Variants in CDH13 observed in about 807,000 individuals in gnomAD.
CDH13 encodes cadherin 13, also known as cadherin-13.
In CDH13, 24 loss-of-function variants were observed where a neutral mutation model predicts 63.8. The ratio of observed to expected loss-of-function variants is 0.38; its 90% CI spans 0.27 to 0.53. The LOEUF is 0.53. Ranked by LOEUF, CDH13 falls within the 20% of genes least tolerant of loss-of-function variation. The pLI, the probability that CDH13 is intolerant of heterozygous loss-of-function variation, is 0.85. For synonymous variants in CDH13, 503 were observed against 355.3 expected (o/e 1.42, Z -4.67); for missense variants, 1,049 against 903.1 (o/e 1.16, Z -2.07).
At chr16:82,798,320 G>T (rs1225688473) in intron 1 of CDH13, among the ~76,000 whole-genome samples, 1 of 152,140 alleles carries the variant, frequency 6.6e-6, no homozygotes, top group Non-Finnish European at 1.5e-5. Flanking sequence ...TAGAACTCAG[G>T]TCTGTCTGAT....
chr16:83,158,140 T>A (rs1043196493), intron 4 of CDH13, among the ~76,000 whole-genome samples: 8 of 151,496 alleles, frequency 5.3e-5, no homozygotes, highest in African/African-American at 1.9e-4. Flanking sequence ...TCAGGAAGAG[T>A]CCCTTCCTGA....
chr16:83,294,778 A>G (rs2089549989), intron 5 of CDH13, among the ~76,000 whole-genome samples: 1 of 152,156 alleles, frequency 6.6e-6, no homozygotes, highest in Non-Finnish European at 1.5e-5. Flanking sequence ...GATTGCCGGA[A>G]TAATATTGTT....
At chr16:83,611,975 A>G (rs1176773265) in intron 8 of CDH13, among the ~76,000 whole-genome samples, 1 of 152,116 alleles carries the variant, frequency 6.6e-6, no homozygotes. Flanking sequence ...ATGCTTTAAA[A>G]TAATGTTAAT....
chr16:83,599,532 C>A (rs925069043), intron 7 of CDH13, among the ~76,000 whole-genome samples: 1 of 152,000 alleles, frequency 6.6e-6, no homozygotes, highest in African/African-American at 2.4e-5. Flanking sequence ...TAAAAAGCAG[C>A]CAAAATGTAT....
intron 2 of CDH13, among the ~76,000 whole-genome samples, chr16:82,888,193 C>G (rs530610594): frequency 2.6e-5 from 4 of 152,206 alleles, no homozygotes; most frequent in East Asian, 3.9e-4. Context: ...GATTTGTATC[C>G]TCTATGACCT....
intron 9 of CDH13, among the ~76,000 whole-genome samples, chr16:83,675,186 G>C (rs921750223): frequency 1.4e-4 from 21 of 152,304 alleles, no homozygotes; most frequent in East Asian, 5.8e-4. Flanking sequence ...TAGTAAGATT[G>C]TGTGCTTTGT....
rs117713220 is a variant in CDH13, at chr16:83,756,368, C to G, written c.1681+8118C>G. On this transcript the variant is annotated intron_variant, in intron 11 of 13. Coordinates refer to ENST00000567109, the MANE Select transcript of CDH13 (RefSeq NM_001257.5). ...AATAGACACACTTTAAATAAAAGAA[C>G]AAAGAATGGAAATAAAAGAAAAATA... Among the ~76,000 whole-genome samples, 1,232 of 152,158 alleles carry G rather than the reference C, an allele frequency of 8.1e-3. 47 individuals are homozygous for G. The highest frequency in any genetic ancestry group is 0.057 in the Admixed American group (867 of 15,272).
At chr16:82,862,688 A>G (rs2039991260) in intron 2 of CDH13, among the ~76,000 whole-genome samples, 1 of 152,224 alleles carries the variant, frequency 6.6e-6, no homozygotes, top group Admixed American at 6.5e-5. Context: ...CTTGCATCAC[A>G]TGTTTAGGAA....
chr16:83,540,113 G>A (rs532168426), intron 7 of CDH13, among the ~76,000 whole-genome samples: 17 of 148,488 alleles, frequency 1.1e-4, no homozygotes, highest in Admixed American at 5.4e-4. Context: ...TCACCAGGCT[G>A]GAGTTCAGTG....
At chr16:83,488,878 G>A (rs540404039) in intron 7 of CDH13, among the ~76,000 whole-genome samples, 1 of 152,160 alleles carries the variant, frequency 6.6e-6, no homozygotes, top group South Asian at 2.1e-4. Flanking sequence ...GCCCACCTCG[G>A]CCTCCCAGTG....
chr16:82,811,334 C>T lies in CDH13; in HGVS notation c.46-47028C>T, dbSNP rs2037435819. ...AGCTGTTAAACATTGACCATCATAGCACTGTGTATATACTTATGTATTTAA... is the reference window on the plus strand; with the variant it reads ...AGCTGTTAAACATTGACCATCATAGTACTGTGTATATACTTATGTATTTAA... On this transcript the variant is annotated intron_variant, in intron 1 of 13. Coordinates refer to ENST00000567109, the MANE Select transcript of CDH13 (RefSeq NM_001257.5). Among the ~76,000 whole-genome samples the T allele has an allele frequency of 1.3e-5, 2 of 152,238 alleles. 1 individual carries two copies. The highest frequency in any genetic ancestry group is 6.8e-3 in the Middle Eastern group (2 of 292).
At chr16:83,028,748 A>G (rs576813831) in intron 2 of CDH13, among the ~76,000 whole-genome samples, 2 of 152,354 alleles carry the variant, frequency 1.3e-5, no homozygotes, top group Non-Finnish European at 2.9e-5. Flanking sequence ...AAACTTATGA[A>G]TTGTTTATTT....
At chr16:82,676,171 T>C (rs1913875263) in intron 1 of CDH13, among the ~76,000 whole-genome samples, 2 of 152,172 alleles carry the variant, frequency 1.3e-5, no homozygotes. Flanking sequence ...CAATAATTCA[T>C]ATATTTGGTC....
chr16:82,970,219 G>C (rs1908506380), intron 2 of CDH13, among the ~76,000 whole-genome samples: 1 of 151,950 alleles, frequency 6.6e-6, no homozygotes. Context: ...GAGAATGTTG[G>C]TTTCCAGCTA....
At position 83,780,081 on chromosome 16, in the gene CDH13, C is replaced by G; in HGVS notation, c.1795C>G (p.Leu599Val). The G allele has an allele frequency of 6.2e-7, 1 of 1,613,846 alleles. No individual in the cohort carries two copies. Residue 599 changes from leucine (L) to valine (V), a missense_variant, in exon 12 of 14, where the codon CTC becomes GTC. Transcript: ENST00000567109. ...VAEVCDDAKN[L>V]SVVILGASDK... ...TGAAGTCTGTGATGATGCCAAAAAC[C>G]TCAGTGTAGTCATTTTGGGAGCATC...
chr16:82,860,857 G>A (rs982013629), intron 2 of CDH13, among the ~76,000 whole-genome samples: 1 of 152,170 alleles, frequency 6.6e-6, no homozygotes, highest in Non-Finnish European at 1.5e-5. Context: ...CCACTTGCAA[G>A]TAGCGGTTCA....
intron 5 of CDH13, among the ~76,000 whole-genome samples, chr16:83,248,405 A>G (rs1272007220): frequency 6.6e-6 from 1 of 152,086 alleles, no homozygotes; most frequent in Non-Finnish European, 1.5e-5. Flanking sequence ...CTTCCCCTAG[A>G]TCAGCAGCCG....
chr16:83,562,921 G>A (rs1395463941), intron 7 of CDH13, among the ~76,000 whole-genome samples: 1 of 152,312 alleles, frequency 6.6e-6, no homozygotes, highest in African/African-American at 2.4e-5. Flanking sequence ...CAAGAGGGAC[G>A]AGGACCTGGA....
At chr16:83,216,689 T>C (rs2039543429) in intron 4 of CDH13, among the ~76,000 whole-genome samples, 1 of 146,562 alleles carries the variant, frequency 6.8e-6, no homozygotes. Context: ...ACCCCTAAAT[T>C]GAGGTATCTA....
Sources: allele counts gnomAD v4.1 joint callset (sites outside exome capture counted in the v4.1 genomes callset), GRCh38; gene constraint gnomAD v4.1.1; transcripts MANE v1.5; gene names NCBI Gene and HGNC (gene_info 2026-07-23, HGNC 2026-07-21).